IQCK: variants seen among roughly 807,000 people sequenced by gnomAD.
The protein encoded by IQCK is IQ domain-containing protein K.
Under a neutral mutation model 28.1 loss-of-function variants are expected in IQCK, and 29 were observed. That is an observed-to-expected ratio of 1.03 (90% confidence interval 0.77 to 1.41). The LOEUF (loss-of-function observed/expected upper bound fraction) is 1.41, where lower values mean the gene tolerates loss of function less well. Ranked by LOEUF, IQCK falls within the 40% of genes most tolerant of loss-of-function variation. The pLI is 0.00. For synonymous variants in IQCK, 113 were observed against 115.1 expected, an observed-to-expected ratio of 0.98 and a Z score of 0.12; for missense variants, 359 against 314.7, an observed-to-expected ratio of 1.14 and a Z score of -1.07.
At chr16:19,775,314 TG>T (rs2055376362) in intron 6 of IQCK, among the ~76,000 whole-genome samples, 2 of 151,918 alleles carry the variant, frequency 1.3e-5, no homozygotes, top group Non-Finnish European at 2.9e-5. Context: ...ATAGGACACA[TG>T]ACTCAGCTCT....
At chr16:19,735,904 A>AT (rs1241963311) in intron 4 of IQCK, 6 of 334,060 alleles carry the variant, frequency 1.8e-5, no homozygotes, top group South Asian at 7.3e-5. Context: ...TCTAAAAAAA[A>AT]TTTTTTTTTA....
intron 9 of IQCK, among the ~76,000 whole-genome samples, chr16:19,853,215 C>A (rs1309964203): frequency 2.0e-5 from 3 of 152,088 alleles, no homozygotes; most frequent in Non-Finnish European, 4.4e-5. Context: ...GAGATGGTGA[C>A]CTAATTGTGT....
At chr16:19,816,771 T>A (rs182285711) in intron 7 of IQCK, among the ~76,000 whole-genome samples, 123 of 152,372 alleles carry the variant, frequency 8.1e-4, no homozygotes, top group Admixed American at 5.9e-3. Context: ...GAATCCAGAT[T>A]ATTCTCACTA....
intron 7 of IQCK, among the ~76,000 whole-genome samples, chr16:19,824,323 T>C (rs906155471): frequency 6.6e-6 from 1 of 152,136 alleles, no homozygotes; most frequent in African/African-American, 2.4e-5. Flanking sequence ...GGATTCATGC[T>C]CCTATGAGAA....
chr16:19,831,495 G>A (rs1374272088), downstream of IQCK, among the ~76,000 whole-genome samples: 1 of 152,014 alleles, frequency 6.6e-6, no homozygotes, highest in Non-Finnish European at 1.5e-5. Flanking sequence ...AGTGTGGGGG[G>A]TTACAAAATA....
At chr16:19,766,210 C>A (rs2055234719) in intron 6 of IQCK, 1 of 152,258 alleles carries the variant, frequency 6.6e-6, no homozygotes, top group Non-Finnish European at 1.5e-5. Context: ...CCCAGTTCAA[C>A]TGCACAGAGC....
At chr16:19,776,039 CCTGA>C (rs1410786213) in intron 6 of IQCK, among the ~76,000 whole-genome samples, 2 of 151,794 alleles carry the variant, frequency 1.3e-5, no homozygotes, top group Non-Finnish European at 2.9e-5. Flanking sequence ...CAACACCATG[CCTGA>C]CTAATTTTTG....
intron 4 of IQCK, among the ~76,000 whole-genome samples, chr16:19,763,063 T>G (rs1478656773): frequency 1.3e-5 from 2 of 152,226 alleles, no homozygotes; most frequent in Admixed American, 1.3e-4. Flanking sequence ...CCCTCAAAAC[T>G]TAACTACTAA....
chr16:19,719,051 T>G (rs1307766019), intron 1 of IQCK, among the ~76,000 whole-genome samples: 1 of 152,216 alleles, frequency 6.6e-6, no homozygotes, highest in Admixed American at 6.5e-5. Context: ...CCTTTGTGGC[T>G]CTACTCAGTA....
chr16:19,746,992 G>C (rs560998437), intron 4 of IQCK, among the ~76,000 whole-genome samples: 1 of 152,288 alleles, frequency 6.6e-6, no homozygotes, highest in African/African-American at 2.4e-5. Flanking sequence ...AAAATTACAA[G>C]CATTGGTCAG....
At chr16:19,834,302 C>T (rs1162219721) in intron 9 of IQCK, among the ~76,000 whole-genome samples, 4 of 152,146 alleles carry the variant, frequency 2.6e-5, no homozygotes, top group South Asian at 2.1e-4. Context: ...TCATCTCCAT[C>T]GTACAGATGA....
chr16:19,738,872 C>T (rs921481425), intron 4 of IQCK, among the ~76,000 whole-genome samples: 4 of 152,122 alleles, frequency 2.6e-5, no homozygotes, highest in South Asian at 2.1e-4. Context: ...ACAGTGATCT[C>T]GCAAGGAGGG....
At chr16:19,786,356 C>A (rs1338543057) in intron 6 of IQCK, among the ~76,000 whole-genome samples, 2 of 151,016 alleles carry the variant, frequency 1.3e-5, no homozygotes, top group Admixed American at 1.3e-4. Flanking sequence ...GAGTTGGAGA[C>A]CACATAGCGA....
chr16:19,731,899 C>T (rs1193312869), intron 2 of IQCK, among the ~76,000 whole-genome samples: 1 of 152,162 alleles, frequency 6.6e-6, no homozygotes, highest in Non-Finnish European at 1.5e-5. Flanking sequence ...GTCTGAGGGC[C>T]TCTGTTTATG....
intron 7 of IQCK, among the ~76,000 whole-genome samples, chr16:19,814,085 T>G (rs1313271471): frequency 6.6e-6 from 1 of 151,856 alleles, no homozygotes; most frequent in Non-Finnish European, 1.5e-5. Flanking sequence ...TTGGGTGTGG[T>G]GGCGGGTAAC....
intron 9 of IQCK, among the ~76,000 whole-genome samples, chr16:19,851,743 G>A (rs546018316): frequency 6.6e-6 from 1 of 152,298 alleles, no homozygotes; most frequent in East Asian, 1.9e-4. Flanking sequence ...GCATAGGGGT[G>A]CCGAGGCATC....
At position 19,729,620 on chromosome 16, in the gene IQCK, A is replaced by C. The variant is rs534655613; in HGVS notation, c.182-810A>C. On this transcript the variant is annotated intron_variant, in intron 1 of 7. Coordinates refer to ENST00000564186, the Ensembl canonical transcript of IQCK. ...CCAACCATCTCTTACCGACTTTATTATTTTATTTTATTTTATTTATTTATT... is the reference window on the plus strand; with the variant it reads ...CCAACCATCTCTTACCGACTTTATTCTTTTATTTTATTTTATTTATTTATT... Among the ~76,000 whole-genome samples, 7 of 151,498 alleles carry C rather than the reference A, an allele frequency of 4.6e-5. No homozygotes were observed. The South Asian group carries it at 1.5e-3, about 31-fold the overall frequency.
intron 1 of IQCK, among the ~76,000 whole-genome samples, chr16:19,722,536 C>G (rs1297294060): frequency 6.6e-6 from 1 of 152,190 alleles, no homozygotes; most frequent in Non-Finnish European, 1.5e-5. Context: ...AGACCAGCTT[C>G]TTCCTCATTT....
intron 9 of IQCK, among the ~76,000 whole-genome samples, chr16:19,838,525 A>T (rs146695219): frequency 2.6e-5 from 4 of 152,216 alleles, no homozygotes; most frequent in African/African-American, 7.2e-5. Context: ...GCTAACCGGG[A>T]GGGCAATGGG....
Sources: allele counts gnomAD v4.1 joint callset (sites outside exome capture counted in the v4.1 genomes callset), GRCh38; gene constraint gnomAD v4.1.1; transcripts MANE v1.5; gene names NCBI Gene and HGNC (gene_info 2026-07-23, HGNC 2026-07-21).